The following RTN3 variants were observed in gnomAD, a reference collection of about 807,000 sequenced individuals.
RTN3 encodes the protein reticulon 3.
In RTN3, 49 loss-of-function variants were observed where a neutral mutation model predicts 77.8. That is an observed-to-expected ratio of 0.63 (90% CI 0.50 to 0.80). The LOEUF (loss-of-function observed/expected upper bound fraction) is 0.80, where lower values mean the gene tolerates loss of function less well. Ranked by LOEUF, RTN3 falls within the 30% of genes least tolerant of loss-of-function variation. The pLI, the probability that RTN3 is intolerant of heterozygous loss-of-function variation, is 0.00. For synonymous variants in RTN3, 464 were observed against 446.9 expected, an observed-to-expected ratio of 1.04 and a Z score of -0.48; for missense variants, 1,236 against 1,211.9, an observed-to-expected ratio of 1.02 and a Z score of -0.29.
At chr11:63,743,045 T>A (rs1238608048) in intron 3 of RTN3, among the ~76,000 whole-genome samples, 1 of 152,158 alleles carries the variant, frequency 6.6e-6, no homozygotes, top group Non-Finnish European at 1.5e-5. Flanking sequence ...CATGTCTGGC[T>A]AATTTATTTT....
chr11:63,686,530 T>G (rs1267045981), intron 1 of RTN3, among the ~76,000 whole-genome samples: 2 of 150,146 alleles, frequency 1.3e-5, no homozygotes, highest in Non-Finnish European at 3.0e-5. Flanking sequence ...TTTTTATTGT[T>G]GTTATGAAAG....
Position 63,755,852 on chromosome 11 carries a change from G to A in RTN3, c.2995-260G>A, listed in dbSNP as rs1783736. ...CGGGCGCCCGTAGTCCCAGCTACTC[G>A]GGAGGCTGAGGCAGGAGAATGGCGT... On this transcript the variant is annotated intron_variant, in intron 7 of 8. Coordinates refer to ENST00000377819, the MANE Select transcript of RTN3 (RefSeq NM_001265589.2). 2.3e-3 allele frequency among the ~76,000 whole-genome samples: 331 copies of A among 146,950 alleles called. 1 individual carries two copies. Among genetic ancestry groups the A allele is most frequent in the African/African-American group, 7.5e-3 (297 of 39,756 alleles).
intron 3 of RTN3, among the ~76,000 whole-genome samples, chr11:63,742,336 C>T (rs779813937): frequency 4.0e-5 from 6 of 150,508 alleles, no homozygotes; most frequent in Admixed American, 6.7e-5. Context: ...TTAGCTTGTC[C>T]ATTTTTACAA....
chr11:63,750,455 C>A, intron 4 of RTN3: 1 of 295,236 alleles, frequency 3.4e-6, no homozygotes, highest in Non-Finnish European at 6.3e-6. Context: ...ACTCTAAATT[C>A]TTTTTTTTTT....
rs1383667967 is a variant in RTN3 at position 63,758,172 on chromosome 11, C to A, written c.3070C>A (p.Pro1024Thr). The A allele has an allele frequency of 6.2e-7, 1 of 1,608,240 alleles. No homozygotes were observed. Among genetic ancestry groups the A allele is most frequent in the Non-Finnish European group, 8.5e-7 (1 of 1,178,256 alleles). The change falls in exon 9 of 9, where the codon CCT (proline) becomes ACT (threonine). Residue 1024 changes from proline to threonine, a missense_variant. Pro to Thr is a conservative substitution (Grantham distance 38). This residue lies in a region of RTN3 where 141 missense variants were observed against 154.9 expected (regional missense o/e 0.91). Transcript: ENST00000377819. ...TCTCAATAGGATCCAAGCAAAACTC[C>A]CTGGAATCGCCAAAAAAAAGGCAGA... ...SIVEKIQAKLPGIAKKKAE is the reference protein window; with the variant it reads ...SIVEKIQAKLTGIAKKKAE
In RTN3 at chr11:63,696,869, CTTTCTTTCTTTCTTTT is replaced by C. The variant is rs1388056224; in HGVS notation, c.143-7978_143-7963del. Among the ~76,000 whole-genome samples, 6 of 66,212 alleles carry C rather than the reference CTTTCTTTCTTTCTTTT, an allele frequency of 9.1e-5. No individual in the cohort carries two copies. In the South Asian group the frequency reaches 2.1e-3, roughly 24 times the overall value. 43.4% of individuals were successfully genotyped at this position (66,212 alleles called of 152,430 possible). On this transcript the variant is annotated intron_variant, in intron 1 of 8. Coordinates refer to ENST00000377819, the MANE Select transcript of RTN3 (RefSeq NM_001265589.2). ...GCCCCTGTTGCTATTTTCTTTCTTT[CTTTCTTTCTTTCTTTT>C]TTTTTTTTTTTTTTTTTGAGATGGA...
At chr11:63,707,874 G>A (rs1942575315) in intron 2 of RTN3, among the ~76,000 whole-genome samples, 1 of 152,122 alleles carries the variant, frequency 6.6e-6, no homozygotes. Flanking sequence ...CCTCGAATGG[G>A]TTTCATTTAA....
In RTN3 at chr11:63,684,129, GTTTTTTTTTTTTT is replaced by G. The variant is rs61663789; in HGVS notation, c.142+2364_142+2376del. On this transcript the variant is annotated intron_variant, in intron 1 of 8. Transcript: ENST00000377819. The stretch of plus-strand genomic sequence containing the variant: ...ACCACGCGTGGTTAATTTTCTTTTG[GTTTTTTTTTTTTT>G]TTTTTTTTTTTTGGTTTTTTTTTTG... Among the ~76,000 whole-genome samples the G allele has an allele frequency of 3.8e-3, 323 of 85,280 alleles. 4 individuals carry two copies. Among genetic ancestry groups the G allele is most frequent in the Middle Eastern group, 0.016 (1 of 62 alleles). 55.9% of individuals were successfully genotyped at this position (85,280 alleles called of 152,430 possible). A position where few individuals can be genotyped will look rare whatever the true frequency, so the allele number is the denominator to read the frequency against.
intron 3 of RTN3, among the ~76,000 whole-genome samples, chr11:63,734,812 G>A (rs2012975524): frequency 6.7e-6 from 1 of 149,418 alleles, no homozygotes; most frequent in Admixed American, 6.7e-5. Context: ...ACTGAATTAT[G>A]GCAATAAATG....
intron 1 of RTN3, among the ~76,000 whole-genome samples, chr11:63,703,090 CAA>C (rs1247728373): frequency 6.6e-6 from 1 of 151,418 alleles, no homozygotes; most frequent in Non-Finnish European, 1.5e-5. Context: ...AATTGTGGAC[CAA>C]AAATATTTTT....
intron 1 of RTN3, among the ~76,000 whole-genome samples, chr11:63,699,889 A>G (rs1173779605): frequency 6.6e-6 from 1 of 152,232 alleles, no homozygotes; most frequent in East Asian, 1.9e-4. Flanking sequence ...CTACTTAATG[A>G]AAATGGTTTC....
At chr11:63,723,857 TTC>T (rs2012009175) in intron 3 of RTN3, among the ~76,000 whole-genome samples, 1 of 152,184 alleles carries the variant, frequency 6.6e-6, no homozygotes, top group African/African-American at 2.4e-5. Flanking sequence ...ATTAGTGGTT[TTC>T]TGTTTGTTTT....
chr11:63,720,938 C>T lies in RTN3; in HGVS notation c.2436C>T (p.Ile812=). The part of the protein sequence containing the change: ...DLGISQKPIT[I]RETTRVDAVS... ...GGATTTCCCAGAAGCCCATCACTATCAGAGAAACTACTAGGGTAGATGCTG... is the reference window on the plus strand; with the variant it reads ...GGATTTCCCAGAAGCCCATCACTATTAGAGAAACTACTAGGGTAGATGCTG... The change falls in exon 3 of 9, where the codon ATC becomes ATT. Residue 812 remains isoleucine (I), a synonymous_variant. Transcript: ENST00000377819. The T allele has an allele frequency of 6.2e-7, 1 of 1,614,102 alleles. No homozygotes were observed. Among genetic ancestry groups the T allele is most frequent in the Non-Finnish European group, 8.5e-7 (1 of 1,180,002 alleles).
At chr11:63,724,548 A>G (rs1434842838) in intron 3 of RTN3, among the ~76,000 whole-genome samples, 13 of 116,104 alleles carry the variant, frequency 1.1e-4, no homozygotes, top group Non-Finnish European at 1.2e-4. Flanking sequence ...CTGGAGTGCA[A>G]TGGCACGATC....
At chr11:63,693,384 T>A (rs889908154) in intron 1 of RTN3, among the ~76,000 whole-genome samples, 2 of 151,930 alleles carry the variant, frequency 1.3e-5, no homozygotes, top group Non-Finnish European at 2.9e-5. Flanking sequence ...TTGGGAAGGC[T>A]GAGGCAGGAG....
At chr11:63,734,325 G>A (rs1297631791) in intron 3 of RTN3, among the ~76,000 whole-genome samples, 1 of 151,814 alleles carries the variant, frequency 6.6e-6, no homozygotes, top group Admixed American at 6.6e-5. Flanking sequence ...GTGCACACTT[G>A]TAATCCCAGT....
Position 63,688,249 on chromosome 11 carries a change from A to T in RTN3, c.142+6471A>T, listed in dbSNP as rs1441604535. Among the ~76,000 whole-genome samples the T allele has an allele frequency of 3.9e-5, 5 of 127,412 alleles. No individual in the cohort carries two copies. The East Asian group carries it at 1.1e-3, about 28-fold the overall frequency. The allele number at this position is 127,412 out of a possible 152,430, so 83.6% of individuals were successfully genotyped here. On this transcript the variant is annotated intron_variant, in intron 1 of 8. Coordinates refer to ENST00000377819, the MANE Select transcript of RTN3 (RefSeq NM_001265589.2). The stretch of plus-strand genomic sequence containing the variant: ...TTTTTTTTTTTTTTTTTTGAGACGG[A>T]GTCTCGCTCTGTCGCCCAGGCGGGA...
At chr11:63,740,391 C>T (rs2013389239) in intron 3 of RTN3, among the ~76,000 whole-genome samples, 1 of 151,626 alleles carries the variant, frequency 6.6e-6, no homozygotes, top group Non-Finnish European at 1.5e-5. Flanking sequence ...AAGTGATTCT[C>T]CTGCCTCAGC....
chr11:63,693,503 A>G (rs1192643171), intron 1 of RTN3, among the ~76,000 whole-genome samples: 1 of 152,170 alleles, frequency 6.6e-6, no homozygotes, highest in Non-Finnish European at 1.5e-5. Flanking sequence ...AAAGTATTGC[A>G]TAGTTTTCAC....
Sources: gnomAD v4.1 joint callset for allele counts (sites outside exome capture counted in the v4.1 genomes callset) on GRCh38, gnomAD v4.1.1 for gene constraint, gnomAD v4.1.1 regional missense constraint, MANE v1.5 for transcripts, NCBI Gene and HGNC (gene_info 2026-07-23, HGNC 2026-07-21) for gene names.